Variants in TTLL5 observed in about 807,000 individuals in gnomAD.
TTLL5 encodes tubulin tyrosine ligase like 5, also known as tubulin polyglutamylase TTLL5.
In TTLL5, 132 loss-of-function variants were observed where a neutral mutation model predicts 168.4. That is an observed-to-expected ratio of 0.78 (90% confidence interval 0.68 to 0.91). The LOEUF (loss-of-function observed/expected upper bound fraction) is 0.91. Among genes scored for constraint, TTLL5 ranks in the 40% least tolerant of loss-of-function variants. The probability of loss-of-function intolerance (pLI) is 0.00; values close to 1 mark genes in which losing one functional copy is unlikely to be tolerated. For synonymous variants in TTLL5, 546 were observed against 558.6 expected, an observed-to-expected ratio of 0.98 and a Z score of 0.32; for missense variants, 1,545 against 1,581.5, an observed-to-expected ratio of 0.98 and a Z score of 0.39.
chr14:75,884,274 T>C (rs2031975929), intron 30 of TTLL5, among the ~76,000 whole-genome samples: 3 of 152,234 alleles, frequency 2.0e-5, no homozygotes, highest in Admixed American at 2.0e-4. Context: ...AATGTTGAAT[T>C]TGCCAGTGTG....
chr14:75,785,519 T>G (rs1373862730), intron 26 of TTLL5, among the ~76,000 whole-genome samples: 1 of 152,204 alleles, frequency 6.6e-6, no homozygotes, highest in East Asian at 1.9e-4. Context: ...ATTTAGGTCT[T>G]TTGTCCATTT....
At chr14:75,825,612 A>T (rs1038292388) in intron 28 of TTLL5, among the ~76,000 whole-genome samples, 1 of 152,100 alleles carries the variant, frequency 6.6e-6, no homozygotes, top group Non-Finnish European at 1.5e-5. Context: ...TTATCCTGTT[A>T]TATAAACAAT....
chr14:75,849,934 G>A (rs560854858), intron 28 of TTLL5, among the ~76,000 whole-genome samples: 65 of 152,066 alleles, frequency 4.3e-4, no homozygotes, highest in South Asian at 3.5e-3. Flanking sequence ...AGACCATCCT[G>A]TCTCTAACAA....
chr14:75,768,504 C>A (rs1375670068), intron 20 of TTLL5, among the ~76,000 whole-genome samples: 1 of 147,046 alleles, frequency 6.8e-6, no homozygotes, highest in African/African-American at 2.5e-5. Flanking sequence ...TTTTTTTTTT[C>A]TTTTGAGAAG....
chr14:75,732,472 GCACTTTTTTTTTTTTGAT>G, intron 13 of TTLL5, 53 bp downstream of exon 13: 1 of 1,468,918 alleles, frequency 6.8e-7, no homozygotes, highest in Non-Finnish European at 9.3e-7. Flanking sequence ...AGTACTTAAA[GCACTTTTTTTTTTTTGAT>G]CATTTCTCTT....
chr14:75,711,984 A>G (rs1465285059), intron 9 of TTLL5: 2 of 152,280 alleles, frequency 1.3e-5, no homozygotes, highest in Non-Finnish European at 2.9e-5. Context: ...GGGGGAGAAA[A>G]CCCTTTCCAG....
At chr14:75,771,562 C>T (rs1442546436) in intron 20 of TTLL5, among the ~76,000 whole-genome samples, 172 bp from the exon 21 acceptor site, 1 of 152,036 alleles carries the variant, frequency 6.6e-6, no homozygotes. Flanking sequence ...AAAAGAAAAA[C>T]CTTCATGTAC....
intron 15 of TTLL5, among the ~76,000 whole-genome samples, chr14:75,739,319 AT>A (rs1322313751): frequency 1.3e-5 from 2 of 151,664 alleles, no homozygotes; most frequent in African/African-American, 2.4e-5. Context: ...TTTGACTTTT[AT>A]TGTACTTTGC....
intron 27 of TTLL5, among the ~76,000 whole-genome samples, chr14:75,811,791 G>T (rs918832735): frequency 2.0e-5 from 3 of 152,168 alleles, no homozygotes; most frequent in South Asian, 4.1e-4. Flanking sequence ...ATACCAAAAG[G>T]TTATGTATCT....
chr14:75,938,758 AGATG>A (rs2034506371), intron 31 of TTLL5, among the ~76,000 whole-genome samples: 1 of 152,164 alleles, frequency 6.6e-6, no homozygotes, highest in African/African-American at 2.4e-5. Flanking sequence ...AGTAGTTCAG[AGATG>A]CTTACAGCAG....
At chr14:75,673,701 A>G (rs934364241) in intron 3 of TTLL5, among the ~76,000 whole-genome samples, 7 of 152,156 alleles carry the variant, frequency 4.6e-5, no homozygotes, top group African/African-American at 1.7e-4. Flanking sequence ...CTGATTGAAT[A>G]AGATCTACTC....
chr14:75,759,162 AAG>A (rs1215609526), intron 18 of TTLL5, among the ~76,000 whole-genome samples: 4 of 152,270 alleles, frequency 2.6e-5, no homozygotes, highest in African/African-American at 9.6e-5. Context: ...TCAGATAGAA[AAG>A]AGAGGATTTC....
intron 28 of TTLL5, among the ~76,000 whole-genome samples, chr14:75,861,117 A>G (rs1195885886): frequency 2.0e-5 from 3 of 152,152 alleles, no homozygotes; most frequent in Admixed American, 1.3e-4. Context: ...AACTTAATAG[A>G]TAAGCTCTGA....
At chr14:75,849,809 T>C (rs1364919676) in intron 28 of TTLL5, among the ~76,000 whole-genome samples, 1 of 152,094 alleles carries the variant, frequency 6.6e-6, no homozygotes, top group Non-Finnish European at 1.5e-5. Flanking sequence ...ATTAAGAATA[T>C]TTGGTGACTG....
chr14:75,863,456 A>G (rs1033482580), intron 28 of TTLL5, among the ~76,000 whole-genome samples: 4 of 152,188 alleles, frequency 2.6e-5, no homozygotes, highest in African/African-American at 9.7e-5. Flanking sequence ...GATACGTGCT[A>G]GGAAAAGAAG....
chr14:75,674,619 T>A (rs1252858413), intron 3 of TTLL5, among the ~76,000 whole-genome samples: 1 of 152,220 alleles, frequency 6.6e-6, no homozygotes, highest in Non-Finnish European at 1.5e-5. Context: ...TGTATGTACT[T>A]TAAATGTGTA....
At chr14:75,674,990 A>C (rs1373962115) in intron 3 of TTLL5, among the ~76,000 whole-genome samples, 3 of 152,096 alleles carry the variant, frequency 2.0e-5, no homozygotes, top group Non-Finnish European at 2.9e-5. Flanking sequence ...CAAAATTTTC[A>C]TTGGAAATAT....
chr14:75,817,774 C>T (rs975199462), intron 27 of TTLL5, among the ~76,000 whole-genome samples: 1 of 151,144 alleles, frequency 6.6e-6, no homozygotes, highest in Non-Finnish European at 1.5e-5. Flanking sequence ...TCAACAGTCC[C>T]GGTGCATCTT....
chr14:75,665,115 T>C (rs1178015735), intron 2 of TTLL5, among the ~76,000 whole-genome samples: 1 of 152,244 alleles, frequency 6.6e-6, no homozygotes, highest in Non-Finnish European at 1.5e-5. Context: ...ACCAGAATAA[T>C]GTTTTTAAGG....
Sources: gnomAD v4.1 joint callset for allele counts (sites outside exome capture counted in the v4.1 genomes callset) on GRCh38, gnomAD v4.1.1 for gene constraint, MANE v1.5 for transcripts, NCBI Gene and HGNC (gene_info 2026-07-23, HGNC 2026-07-21) for gene names.